Variants in IGSF10 observed in about 807,000 individuals in gnomAD.
IGSF10 encodes calvaria mechanical force protein 608.
Under a neutral mutation model 128.2 loss-of-function variants are expected in IGSF10, and 126 were observed. The observed-to-expected ratio is 0.98, with a 90% confidence interval of 0.85 to 1.14. IGSF10 has a LOEUF of 1.14. Ranked by LOEUF, IGSF10 falls within the 50% of genes most tolerant of loss-of-function variation. The pLI, the probability that IGSF10 is intolerant of heterozygous loss-of-function variation, is 0.00. For missense variants in IGSF10, 3,295 were observed against 3,149.8 expected (o/e 1.05, Z -1.10); for synonymous variants, 1,185 against 1,146.2 (o/e 1.03, Z -0.68).
At position 151,447,457 on chromosome 3, in the gene IGSF10, A is replaced by T; in HGVS notation, c.2524T>A (p.Phe842Ile). ...PMTNINYGTE[F>I]SPVVNSQILP... is the part of the protein sequence containing the mutation. ...ATTTGTGAATTCACAACAGGAGAGA[A>T]TTCTGTGCCATAATTTATGTTTGTC... is the stretch of plus-strand genomic sequence containing the variant. Residue 842 changes from phenylalanine (F) to isoleucine (I), a missense_variant, in exon 6 of 8, where the codon TTC becomes ATC. Transcript: ENST00000282466. The T allele has an allele frequency of 6.2e-7, 1 of 1,614,092 alleles. No homozygotes were observed. The highest frequency in any genetic ancestry group is 8.5e-7 in the Non-Finnish European group (1 of 1,179,974).
chr3:151,461,604 G>T, upstream of IGSF10: 1 of 197,578 alleles, frequency 5.1e-6, no homozygotes, highest in Non-Finnish European at 9.1e-6. Flanking sequence ...TGTGACACGA[G>T]CAGCTAAAAT....
In IGSF10 at chr3:151,443,840, G is replaced by C. The variant is rs1318388898; in HGVS notation, c.5107C>G (p.Leu1703Val). 1 of 1,613,686 alleles carries C rather than the reference G, an allele frequency of 6.2e-7. No homozygotes were observed. ...KRKQNSRVQVLPNGTLSIQRV... is the reference protein window; with the variant it reads ...KRKQNSRVQVVPNGTLSIQRV... ...TGGATGGACAGGGTACCATTGGGGA[G>C]AACCTGGACCCTGCTATTCTGTTTC... Residue 1703 changes from leucine (L) to valine (V), a missense_variant, in exon 7 of 8, where the codon CTC becomes GTC. By Grantham distance (32) the Leu-to-Val change is conservative. Transcript: ENST00000282466.
the IGSF10 span, among the ~76,000 whole-genome samples, chr3:151,557,904 G>T: frequency 1.4e-5 from 2 of 145,978 alleles, no homozygotes; most frequent in Admixed American, 7.0e-5. Flanking sequence ...ACAAGTTGGG[G>T]TATAGTTTTT....
At chr3:151,588,810 C>T in the IGSF10 span, among the ~76,000 whole-genome samples, 1 of 152,124 alleles carries the variant, frequency 6.6e-6, no homozygotes, top group African/African-American at 2.4e-5. Flanking sequence ...AATAGAATAT[C>T]AAGTAAGTAA....
the IGSF10 span, among the ~76,000 whole-genome samples, chr3:151,519,820 G>A: frequency 3.5e-4 from 53 of 151,904 alleles, no homozygotes; most frequent in East Asian, 7.5e-3. Context: ...TACTGGGCCT[G>A]TAGGCTACTA....
At chr3:151,580,967 A>G in the IGSF10 span, among the ~76,000 whole-genome samples, 7 of 151,386 alleles carry the variant, frequency 4.6e-5, no homozygotes, top group Admixed American at 4.6e-4. Context: ...TTTTTTTTTA[A>G]ATAGAGAGAG....
the IGSF10 span, among the ~76,000 whole-genome samples, chr3:151,567,137 A>G: frequency 6.6e-6 from 1 of 152,224 alleles, no homozygotes; most frequent in Non-Finnish European, 1.5e-5. Context: ...GTCTGTGGAC[A>G]GTAGCCAATG....
At chr3:151,528,601 G>T in the IGSF10 span, among the ~76,000 whole-genome samples, 6 of 152,290 alleles carry the variant, frequency 3.9e-5, no homozygotes, top group Non-Finnish European at 7.3e-5. Context: ...CGTACAAAGG[G>T]TTGGGGGATT....
the IGSF10 span, among the ~76,000 whole-genome samples, chr3:151,528,755 A>G: frequency 4.6e-5 from 7 of 151,876 alleles, no homozygotes; most frequent in Non-Finnish European, 7.4e-5. Flanking sequence ...GGTTTAAGCA[A>G]AAAACTAAGT....
At chr3:151,532,147 A>G in the IGSF10 span, among the ~76,000 whole-genome samples, 3 of 152,200 alleles carry the variant, frequency 2.0e-5, no homozygotes, top group African/African-American at 7.2e-5. Flanking sequence ...AAATCCTGGA[A>G]CAGACCAATA....
the IGSF10 span, among the ~76,000 whole-genome samples, chr3:151,538,897 T>G: frequency 6.6e-6 from 1 of 152,182 alleles, no homozygotes; most frequent in East Asian, 1.9e-4. Flanking sequence ...GAACAAAACA[T>G]GCATTGTGAG....
chr3:151,547,208 A>G, the IGSF10 span, among the ~76,000 whole-genome samples: 2 of 152,166 alleles, frequency 1.3e-5, no homozygotes, highest in Non-Finnish European at 2.9e-5. Flanking sequence ...TCCCACACAC[A>G]TGCAAGCTTC....
rs766366919 is a variant in IGSF10 at position 151,457,078 on chromosome 3, T to C, written c.272A>G (p.Asn91Ser). 6 of 1,614,202 alleles carry C rather than the reference T, an allele frequency of 3.7e-6. No homozygotes were observed. The highest frequency in any genetic ancestry group is 2.2e-5 in the East Asian group (1 of 44,886). Reference sequence around the variant, plus strand: ...CTTGTCAGGGATTGTGTGAATGCCATTGCTGTGAAGCATGAGTAACTCCAG... The same window carrying C: ...CTTGTCAGGGATTGTGTGAATGCCACTGCTGTGAAGCATGAGTAACTCCAG... ...TKLELLMLHS[N>S]GIHTIPDKTF... The change falls in exon 4 of 8, where the codon AAT (asparagine) becomes AGT (serine). Residue 91 changes from asparagine to serine, a missense_variant. Asn to Ser is a conservative substitution (Grantham distance 46). Coordinates refer to ENST00000282466, the MANE Select transcript of IGSF10 (RefSeq NM_178822.5).
chr3:151,563,233 G>T, the IGSF10 span, among the ~76,000 whole-genome samples: 754 of 152,228 alleles, frequency 5.0e-3, 11 homozygotes, highest in African/African-American at 0.017. Flanking sequence ...GACCGTGAGA[G>T]TGACTTTCTT....
rs1202421988 is a variant in IGSF10, at chr3:151,438,594, C to G, written c.5967G>C (p.Val1989=). 9.3e-6 allele frequency: 15 copies of G among 1,609,134 alleles called. No individual in the cohort carries two copies. The highest frequency in any genetic ancestry group is 1.3e-5 in the Non-Finnish European group (15 of 1,177,446). Residue 1989 remains valine (V), a synonymous_variant, in exon 8 of 8, where the codon GTG becomes GTC. Transcript: ENST00000282466. ...TAGGGTAGACGTGGATCCAGCTGCCCACTCTAAGGAGAAAAGAGATTCATT... is the reference window on the plus strand; with the variant it reads ...TAGGGTAGACGTGGATCCAGCTGCCGACTCTAAGGAGAAAAGAGATTCATT... The part of the protein sequence containing the change: ...SKAVVDQQHR[V]GSWIHVYPNG...
chr3:151,498,967 T>TC, the IGSF10 span, among the ~76,000 whole-genome samples: 14 of 152,238 alleles, frequency 9.2e-5, no homozygotes, highest in African/African-American at 3.4e-4. Flanking sequence ...GGATTTTTTT[T>TC]CAAGAGATCT....
At chr3:151,583,705 T>A in the IGSF10 span, among the ~76,000 whole-genome samples, 66 of 152,344 alleles carry the variant, frequency 4.3e-4, no homozygotes, top group African/African-American at 1.6e-3. Context: ...TGCACATGTA[T>A]CCTAGAACTT....
intron 4 of IGSF10, among the ~76,000 whole-genome samples, chr3:151,455,697 G>A (rs1216807202): frequency 1.3e-5 from 2 of 151,996 alleles, no homozygotes; most frequent in Non-Finnish European, 2.9e-5. Flanking sequence ...CATGCACAAC[G>A]CTTTATCTAT....
At chr3:151,491,108 C>G in the IGSF10 span, among the ~76,000 whole-genome samples, 1 of 151,648 alleles carries the variant, frequency 6.6e-6, no homozygotes, top group Non-Finnish European at 1.5e-5. Context: ...CTTAGCTAGT[C>G]TAAGAAAAAG....
Sources: allele counts gnomAD v4.1 joint callset (sites outside exome capture counted in the v4.1 genomes callset), GRCh38; gene constraint gnomAD v4.1.1; transcripts MANE v1.5; gene names NCBI Gene and HGNC (gene_info 2026-07-23, HGNC 2026-07-21).